The following GLB1L2 variants were observed in gnomAD, a reference collection of about 807,000 sequenced individuals.
GLB1L2 encodes galactosidase beta 1 like 2, also known as beta-galactosidase-1-like protein 2.
A neutral mutation model predicts 84.1 loss-of-function variants in GLB1L2; 68 were observed. That is an observed-to-expected ratio of 0.81 (90% CI 0.67 to 0.99). The LOEUF (loss-of-function observed/expected upper bound fraction) is 0.99. Among genes scored for constraint, GLB1L2 ranks in the 50% least tolerant of loss-of-function variants. The pLI is 0.00. For missense variants in GLB1L2, 762 were observed against 805.6 expected (o/e 0.95, Z 0.66); for synonymous variants, 290 against 318.0 (o/e 0.91, Z 0.94).
intron 7 of GLB1L2, among the ~76,000 whole-genome samples, chr11:134,361,809 G>A (rs767602397): frequency 2.4e-4 from 36 of 152,104 alleles, no homozygotes; most frequent in Non-Finnish European, 4.7e-4. Context: ...TGGAGTTCCA[G>A]GAAACAGGAT....
intron 5 of GLB1L2, among the ~76,000 whole-genome samples, chr11:134,351,855 CT>C (rs200203926): frequency 6.6e-6 from 1 of 151,946 alleles, no homozygotes; most frequent in African/African-American, 2.4e-5. Context: ...AAAGTGTCAA[CT>C]TTTTTTGACA....
chr11:134,347,978 G>A (rs1943575068), intron 5 of GLB1L2, among the ~76,000 whole-genome samples: 1 of 152,146 alleles, frequency 6.6e-6, no homozygotes, highest in African/African-American at 2.4e-5. Flanking sequence ...TTCAAAACAT[G>A]CGTTAAAGTA....
chr11:134,342,556 T>C lies in GLB1L2; in HGVS notation c.87-198T>C, dbSNP rs555966144. Reference sequence around the variant, plus strand: ...CTTGCTGCCGGCTGCAGCCTCGGCCTGCCCTTCCCCTGCCGCGGGGCCCCG... The same window carrying C: ...CTTGCTGCCGGCTGCAGCCTCGGCCCGCCCTTCCCCTGCCGCGGGGCCCCG... On this transcript the variant is annotated intron_variant, in intron 1 of 18. Transcript: ENST00000535456. Among the ~76,000 whole-genome samples the C allele has an allele frequency of 2.2e-4, 34 of 152,294 alleles. No individual in the cohort carries two copies. In the South Asian group the frequency reaches 7.1e-3, roughly 32 times the overall value.
chr11:134,371,605 A>G, intron 14 of GLB1L2, 113 bp downstream of exon 14: 1 of 997,110 alleles, frequency 1.0e-6, no homozygotes, highest in Non-Finnish European at 1.6e-6. Context: ...CACAAGCTGT[A>G]GGTGGAGAGG....
In GLB1L2 at chr11:134,343,686, C is replaced by T. The variant is rs115162082; in HGVS notation, c.285-701C>T. The stretch of plus-strand genomic sequence containing the variant: ...ACCTGCCGAGCCTTGACAACTTCCC[C>T]GAAAGGACTCCTGAAGGCTGTGGGA... On this transcript the variant is annotated intron_variant, in intron 2 of 18. Coordinates refer to ENST00000535456, the MANE Select transcript of GLB1L2 (RefSeq NM_001370461.1). Among the ~76,000 whole-genome samples the T allele has an allele frequency of 9.7e-3, 1,480 of 152,278 alleles. 31 individuals carry two copies. Among genetic ancestry groups the T allele is most frequent in the African/African-American group, 0.034 (1,420 of 41,534 alleles).
At position 134,371,155 on chromosome 11, in the gene GLB1L2, G is replaced by A. The variant is rs1227797096; in HGVS notation, c.1356+7G>A. 1.2e-6 allele frequency: 2 copies of A among 1,614,052 alleles called. No homozygotes were observed. The highest frequency in any genetic ancestry group is 3.3e-5 in the Admixed American group (2 of 60,020). On this transcript the variant is annotated splice_region_variant and intron_variant, in intron 13 of 18. Coordinates refer to ENST00000535456, the MANE Select transcript of GLB1L2 (RefSeq NM_001370461.1). ...CGTGCATGATCGGGGGCAGGTAGGA[G>A]CTTCTCTTCTAAATTCCTGTGACCT...
chr11:134,347,138 T>C (rs902899869), intron 4 of GLB1L2, 187 bp from the exon 5 acceptor site: 9 of 589,204 alleles, frequency 1.5e-5, no homozygotes, highest in Non-Finnish European at 2.5e-5. Context: ...GCTGCAGGAG[T>C]GCGGGTGGGT....
chr11:134,364,706 G>C, intron 8 of GLB1L2: 1 of 335,942 alleles, frequency 3.0e-6, no homozygotes. Flanking sequence ...CCCAGGGATT[G>C]AGGGGGGAAG....
In GLB1L2 at chr11:134,371,740, T is replaced by A; in HGVS notation, c.1429-12T>A. On this transcript the variant is annotated splice_polypyrimidine_tract_variant and intron_variant, in intron 14 of 18. Coordinates refer to ENST00000535456, the MANE Select transcript of GLB1L2 (RefSeq NM_001370461.1). ...CTTCTGACAGTCATCGTTAGCCCCGTGTTCCCGGCAGGGTTACACCGTGCT... is the reference window on the plus strand; with the variant it reads ...CTTCTGACAGTCATCGTTAGCCCCGAGTTCCCGGCAGGGTTACACCGTGCT... The A allele has an allele frequency of 6.2e-7, 1 of 1,613,874 alleles. No individual in the cohort carries two copies. The highest frequency in any genetic ancestry group is 8.5e-7 in the Non-Finnish European group (1 of 1,179,878).
chr11:134,337,415 C>T (rs1321439897), intron 1 of GLB1L2, among the ~76,000 whole-genome samples: 1 of 152,200 alleles, frequency 6.6e-6, no homozygotes. Context: ...CTTCCATTTC[C>T]CTGAGGCTGA....
At chr11:134,364,688 G>A (rs947321450) in intron 8 of GLB1L2, 4 of 373,316 alleles carry the variant, frequency 1.1e-5, no homozygotes, top group Admixed American at 4.3e-5. Context: ...ACTAGCTCCA[G>A]ACTTGCTCCC....
In GLB1L2 at chr11:134,374,205, G is replaced by A; in HGVS notation, c.1656G>A (p.Leu552=). Residue 552 remains leucine, a synonymous_variant, in exon 17 of 19, where the codon TTG becomes TTA. Transcript: ENST00000535456. ...PETPTLPAFF[L]GSLSISSTPC... The stretch of plus-strand genomic sequence containing the variant: ...CACCCACATTACCTGCTTTCTTCTT[G>A]GGTAGCTTGTCCATCAGCTCCACCC... 2 of 1,614,140 alleles carry A rather than the reference G, an allele frequency of 1.2e-6. No individual in the cohort carries two copies. The highest frequency in any genetic ancestry group is 1.7e-6 in the Non-Finnish European group (2 of 1,179,980).
intron 3 of GLB1L2, 40 bp downstream of exon 3, chr11:134,344,495 G>C (rs1400048520): frequency 6.2e-7 from 1 of 1,600,380 alleles, no homozygotes; most frequent in Admixed American, 1.7e-5. Flanking sequence ...GCCAGGGGCA[G>C]GGCACAGAGG....
chr11:134,368,469 T>C (rs1943894171), intron 9 of GLB1L2, among the ~76,000 whole-genome samples, 175 bp from the exon 10 acceptor site: 1 of 152,108 alleles, frequency 6.6e-6, no homozygotes, highest in South Asian at 2.1e-4. Context: ...CCACACTTCC[T>C]CCTCCACCCC....
chr11:134,368,662 C>A lies in GLB1L2; in HGVS notation c.908C>A (p.Ser303Tyr). Residue 303 changes from serine (S) to tyrosine (Y), a missense_variant, in exon 10 of 19, where the codon TCT becomes TAT. Coordinates refer to ENST00000535456, the MANE Select transcript of GLB1L2 (RefSeq NM_001370461.1). ...LDSSEVLKTV[S>Y]AIVDAGSSIN... ...CCGGCAGAGGTTTTGAAAACCGTGTCTGCCATTGTGGACGCCGGCTCCTCC... is the reference window on the plus strand; with the variant it reads ...CCGGCAGAGGTTTTGAAAACCGTGTATGCCATTGTGGACGCCGGCTCCTCC... 6.2e-7 allele frequency: 1 copy of A among 1,613,840 alleles called. No homozygotes were observed. Among genetic ancestry groups the A allele is most frequent in the Non-Finnish European group, 8.5e-7 (1 of 1,179,962 alleles).
chr11:134,374,328 A>T (rs1286808943), intron 17 of GLB1L2, 72 bp downstream of exon 17: 1 of 1,265,250 alleles, frequency 7.9e-7, no homozygotes, highest in Non-Finnish European at 1.2e-6. Context: ...AGCCAAAGCC[A>T]CGAGCTTGGC....
chr11:134,362,465 C>T (rs2136282128), intron 7 of GLB1L2, among the ~76,000 whole-genome samples: 1 of 152,302 alleles, frequency 6.6e-6, no homozygotes, highest in Admixed American at 6.5e-5. Context: ...CCACTCGGAG[C>T]GCCGGGTGTG....
intron 7 of GLB1L2, chr11:134,359,683 A>G (rs1943755420): frequency 6.6e-6 from 1 of 152,334 alleles, no homozygotes; most frequent in African/African-American, 2.4e-5. Flanking sequence ...TGTCGTCCAG[A>G]TTACCCTATC....
At chr11:134,364,498 T>TG in intron 8 of GLB1L2, 100 bp downstream of exon 8, 1 of 992,270 alleles carries the variant, frequency 1.0e-6, no homozygotes, top group Non-Finnish European at 1.5e-6. Context: ...CGCAGGGAGC[T>TG]GGACTCAGGG....
Sources: allele counts gnomAD v4.1 joint callset (sites outside exome capture counted in the v4.1 genomes callset), GRCh38; gene constraint gnomAD v4.1.1; transcripts MANE v1.5; gene names NCBI Gene and HGNC (gene_info 2026-07-23, HGNC 2026-07-21).